The following AMBRA1 variants were observed in gnomAD, a reference collection of about 807,000 sequenced individuals.
The protein encoded by AMBRA1 is activating molecule in BECN1-regulated autophagy protein 1.
In AMBRA1, 47 loss-of-function variants were observed where a neutral mutation model predicts 125.4. That is an observed-to-expected ratio of 0.37 (90% CI 0.30 to 0.48). The LOEUF is 0.48. AMBRA1 is among the 20% of genes least tolerant of loss of function. The pLI, the probability that AMBRA1 is intolerant of heterozygous loss-of-function variation, is 0.99. For synonymous variants in AMBRA1, 626 were observed against 655.5 expected (o/e 0.95, Z 0.69); for missense variants, 1,331 against 1,693.4 (o/e 0.79, Z 3.76).
At chr11:46,581,793 C>T (rs1241579751) in intron 1 of AMBRA1, among the ~76,000 whole-genome samples, 1 of 126,456 alleles carries the variant, frequency 7.9e-6, no homozygotes, top group Admixed American at 7.6e-5. Context: ...GAGCAAAACT[C>T]CATCAAAAAA....
chr11:46,433,868 C>T (rs987153668), intron 13 of AMBRA1, among the ~76,000 whole-genome samples: 3 of 152,096 alleles, frequency 2.0e-5, no homozygotes, highest in Non-Finnish European at 4.4e-5. Flanking sequence ...GTAATCCCAG[C>T]ACTTTGGGAG....
chr11:46,570,587 T>C (rs1221850574), intron 1 of AMBRA1, among the ~76,000 whole-genome samples: 1 of 152,118 alleles, frequency 6.6e-6, no homozygotes, highest in Non-Finnish European at 1.5e-5. Flanking sequence ...TCCACTCCCA[T>C]TTTACAGACA....
intron 11 of AMBRA1, among the ~76,000 whole-genome samples, chr11:46,485,839 G>T (rs1010588358): frequency 2.0e-5 from 3 of 152,218 alleles, no homozygotes; most frequent in African/African-American, 7.2e-5. Context: ...AGGCAATTCA[G>T]CTTAGAAACT....
At chr11:46,511,073 T>C (rs1951238845) in intron 8 of AMBRA1, among the ~76,000 whole-genome samples, 1 of 152,184 alleles carries the variant, frequency 6.6e-6, no homozygotes, top group Non-Finnish European at 1.5e-5. Flanking sequence ...GTAGGATAAA[T>C]AACAGATTTA....
intron 7 of AMBRA1, among the ~76,000 whole-genome samples, chr11:46,539,610 A>G (rs564319911): frequency 6.6e-6 from 1 of 152,282 alleles, no homozygotes; most frequent in South Asian, 2.1e-4. Context: ...CAGCTTGCAC[A>G]AATCTTTAGT....
In AMBRA1 at chr11:46,397,811, C is replaced by T; in HGVS notation, c.3536G>A (p.Gly1179Asp). The change falls in exon 18 of 18, where the codon GGC becomes GAC. Residue 1179 changes from glycine to aspartate, a missense_variant. Around this residue, in one of 4 missense-constraint regions of AMBRA1, gnomAD observed 354 missense variants for 532.7 expected, o/e 0.66. Coordinates refer to ENST00000683756, the MANE Select transcript of AMBRA1 (RefSeq NM_001387011.1). ...STTMASMGGF[G>D]NNIIVSHRIH... ...GCGGTGGCTGACGATGATGTTGTTGCCGAAGCCGCCCATGGAGGCCATGGT... is the reference window on the plus strand; with the variant it reads ...GCGGTGGCTGACGATGATGTTGTTGTCGAAGCCGCCCATGGAGGCCATGGT... 6.2e-7 allele frequency: 1 copy of T among 1,606,932 alleles called. No individual in the cohort carries two copies.
chr11:46,543,543 C>A, intron 6 of AMBRA1, 145 bp from the exon 7 acceptor site: 1 of 1,039,658 alleles, frequency 9.6e-7, no homozygotes, highest in Non-Finnish European at 1.4e-6. Context: ...CCCTGAAGCA[C>A]TGACAACTGG....
At chr11:46,461,897 T>G (rs908421796) in intron 11 of AMBRA1, among the ~76,000 whole-genome samples, 3 of 152,206 alleles carry the variant, frequency 2.0e-5, no homozygotes, top group Non-Finnish European at 2.9e-5. Context: ...TTCTCTTCAA[T>G]GCCATCTTGA....
chr11:46,570,261 C>CAAAAAAAA (rs200875374), intron 1 of AMBRA1, among the ~76,000 whole-genome samples: 3 of 14,294 alleles, frequency 2.1e-4, no homozygotes, highest in African/African-American at 8.8e-4. Context: ...GACCATGTCT[C>CAAAAAAAA]AAAAAAAAAA....
chr11:46,520,856 C>G (rs187180702), intron 7 of AMBRA1, among the ~76,000 whole-genome samples: 1 of 151,448 alleles, frequency 6.6e-6, no homozygotes, highest in African/African-American at 2.4e-5. Flanking sequence ...CCGCCCGCCT[C>G]GGCCTCCCAA....
intron 9 of AMBRA1, among the ~76,000 whole-genome samples, chr11:46,502,765 A>G (rs1039511520): frequency 2.6e-5 from 4 of 152,186 alleles, no homozygotes; most frequent in African/African-American, 9.7e-5. Context: ...GCAGATGAAG[A>G]ATATTAAATT....
intron 11 of AMBRA1, among the ~76,000 whole-genome samples, chr11:46,487,310 T>C (rs1590932534): frequency 6.6e-6 from 1 of 151,972 alleles, no homozygotes; most frequent in East Asian, 1.9e-4. Flanking sequence ...CAACCAAAAA[T>C]AAAGTTAACA....
intron 11 of AMBRA1, among the ~76,000 whole-genome samples, chr11:46,452,586 T>C (rs1232299808): frequency 6.6e-6 from 1 of 152,230 alleles, no homozygotes; most frequent in Non-Finnish European, 1.5e-5. Context: ...GGAACCATCT[T>C]CCCTTTCTGA....
At chr11:46,506,582 G>T (rs1050375059) in intron 9 of AMBRA1, among the ~76,000 whole-genome samples, 7 of 152,160 alleles carry the variant, frequency 4.6e-5, no homozygotes, top group Admixed American at 4.6e-4. Flanking sequence ...AACTCTTAAG[G>T]CCCCAGACCT....
chr11:46,415,912 G>A (rs1400165692), intron 15 of AMBRA1, among the ~76,000 whole-genome samples: 1 of 152,266 alleles, frequency 6.6e-6, no homozygotes, highest in Admixed American at 6.5e-5. Flanking sequence ...TCAGTTTCAT[G>A]TTTGGCTGAG....
In AMBRA1 at chr11:46,594,005, G is replaced by C. The variant is rs1455107570; in HGVS notation, c.-298C>G. 2.5e-6 allele frequency: 1 copy of C among 398,582 alleles called. No homozygotes were observed. Among genetic ancestry groups the C allele is most frequent in the African/African-American group, 2.1e-5 (1 of 48,650 alleles). 24.7% of individuals were successfully genotyped at this position (398,582 alleles called of 1,614,324 possible). ...CTCGACCCGGCGCCGCCGCCGCTCA[G>C]GAGACATCAAGCAAGAAGACGGCGC... On this transcript the variant is annotated 5_prime_UTR_variant, in exon 1 of 18. Transcript: ENST00000683756.
chr11:46,539,871 A>C (rs577095781), intron 7 of AMBRA1, among the ~76,000 whole-genome samples: 2 of 152,076 alleles, frequency 1.3e-5, no homozygotes, highest in African/African-American at 4.8e-5. Flanking sequence ...TTGCTCCATC[A>C]CCCAGGCTGG....
At chr11:46,439,799 T>C (rs1435904370) in intron 12 of AMBRA1, among the ~76,000 whole-genome samples, 4 of 152,054 alleles carry the variant, frequency 2.6e-5, no homozygotes, top group East Asian at 3.8e-4. Context: ...AACAGAAAAA[T>C]TGGTAAAGCA....
chr11:46,460,208 C>T (rs1949039538), intron 11 of AMBRA1, among the ~76,000 whole-genome samples: 1 of 152,144 alleles, frequency 6.6e-6, no homozygotes, highest in Admixed American at 6.6e-5. Flanking sequence ...TATTAGAATA[C>T]TATGTAACAA....
Sources: gnomAD v4.1 joint callset for allele counts (sites outside exome capture counted in the v4.1 genomes callset) on GRCh38, gnomAD v4.1.1 for gene constraint, gnomAD v4.1.1 regional missense constraint, MANE v1.5 for transcripts, NCBI Gene and HGNC (gene_info 2026-07-23, HGNC 2026-07-21) for gene names.